The following COL11A2 variants were observed in gnomAD, a reference collection of about 807,000 sequenced individuals.
COL11A2 encodes the protein collagen type XI alpha 2 chain.
Under a neutral mutation model 273.4 loss-of-function variants are expected in COL11A2, and 116 were observed. The observed-to-expected ratio is 0.42, with a 90% CI of 0.36 to 0.49. The LOEUF is 0.49. Among genes scored for constraint, COL11A2 ranks in the 20% least tolerant of loss-of-function variants. The probability of loss-of-function intolerance (pLI) is 0.00; values close to 1 mark genes in which losing one functional copy is unlikely to be tolerated. For missense variants in COL11A2, 1,866 were observed against 2,309.0 expected, an observed-to-expected ratio of 0.81 and a Z score of 3.93; for synonymous variants, 782 against 864.2, an observed-to-expected ratio of 0.90 and a Z score of 1.67.
chr6:33,176,652 C>T lies in COL11A2; in HGVS notation c.2115+69G>A. 3 of 1,512,306 alleles carry T rather than the reference C, an allele frequency of 2.0e-6. No homozygotes were observed. The highest frequency in any genetic ancestry group is 2.7e-5 in the African/African-American group (2 of 72,816). 93.7% of individuals were successfully genotyped at this position (1,512,306 alleles called of 1,614,324 possible). A position where few individuals can be genotyped will look rare whatever the true frequency, so the allele number is the denominator to read the frequency against. On this transcript the variant is annotated intron_variant, in intron 26 of 65. Transcript: ENST00000341947. The surrounding 1 kb of genome is among the most constrained non-coding windows in gnomAD (Gnocchi z 4.9). ...ATATGAATAATGAGACAAGGGAATC[C>T]CAAGGACTTTGAGGCTCTAGAGTCT...
chr6:33,173,535 A>G lies in COL11A2; in HGVS notation c.2649T>C (p.Gly883=), dbSNP rs947292593. ...PGERGLPGPQ[G]PNGFPGPKGP... is the part of the protein sequence containing the mutation. ...CTTTCGGTCCAGGAAACCCGTTGGG[A>G]CCCTGAGGTCCAGGGAGGCCCTAGA... Residue 883 remains glycine, a synonymous_variant, in exon 36 of 66, where the codon GGT becomes GGC. Coordinates refer to ENST00000341947, the MANE Select transcript of COL11A2 (RefSeq NM_080680.3). This position sits in a 1 kb window ranked among gnomAD's most constrained non-coding sequence, Gnocchi z 6.3. 1 of 1,522,124 alleles carries G rather than the reference A, an allele frequency of 6.6e-7. No individual in the cohort carries two copies. The highest frequency in any genetic ancestry group is 1.5e-5 in the African/African-American group (1 of 67,918). 94.3% of individuals were successfully genotyped at this position (1,522,124 alleles called of 1,614,324 possible).
chr6:33,172,064 G>A lies in COL11A2; in HGVS notation c.3028C>T (p.Pro1010Ser). ...CCCAGACTCACTGCAGGGCCAGGGG[G>A]GCCAGACGGACCTTCATTCCCCTTC... ...GLKGNEGPSG[P>S]PGPAGSPGER... The change falls in exon 41 of 66, where the codon CCC (proline) becomes TCC (serine). Residue 1010 changes from proline (P) to serine (S), a missense_variant. Physicochemically the swap from Pro to Ser is moderately conservative, Grantham distance 74 (BLOSUM62 -1). Coordinates refer to ENST00000341947, the MANE Select transcript of COL11A2 (RefSeq NM_080680.3). 1 of 1,613,014 alleles carries A rather than the reference G, an allele frequency of 6.2e-7. No homozygotes were observed. The highest frequency in any genetic ancestry group is 8.5e-7 in the Non-Finnish European group (1 of 1,180,014).
At position 33,164,431 on chromosome 6, in the gene COL11A2, G is replaced by A. The variant is rs1221258743; in HGVS notation, c.4906C>T (p.Gln1636Ter). The A allele has an allele frequency of 6.3e-7, 1 of 1,589,638 alleles. No individual in the cohort carries two copies. The highest frequency in any genetic ancestry group is 8.6e-7 in the Non-Finnish European group (1 of 1,167,732). ...CTGAGCAGCCGCAGGAAGGTGAGCTGGACCACACCCACTGGGGAGCCCTCT... is the reference window on the plus strand; with the variant it reads ...CTGAGCAGCCGCAGGAAGGTGAGCTAGACCACACCCACTGGGGAGCCCTCT... ...DSEGSPVGVVQLTFLRLLSVS... is the reference protein window; with the variant it reads ...DSEGSPVGVV Residue 1636 changes from glutamine to a stop codon, truncating the protein, a stop_gained, in exon 65 of 66, where the codon CAG (glutamine) becomes TAG (stop). Coordinates refer to ENST00000341947, the MANE Select transcript of COL11A2 (RefSeq NM_080680.3). LOFTEE classifies it high-confidence loss of function. This position sits in a 1 kb window ranked among gnomAD's most constrained non-coding sequence, Gnocchi z 4.7.
rs2150520919 is a variant in COL11A2 at position 33,166,397 on chromosome 6, G to A, written c.4392+116C>T. 7.4e-7 allele frequency: 1 copy of A among 1,345,884 alleles called. No homozygotes were observed. The highest frequency in any genetic ancestry group is 1.4e-5 in the African/African-American group (1 of 69,462). The allele number at this position is 1,345,884 out of a possible 1,614,324, so 83.4% of individuals were successfully genotyped here. On this transcript the variant is annotated intron_variant, in intron 60 of 65. Transcript: ENST00000341947. The surrounding 1 kb of genome is among the most constrained non-coding windows in gnomAD (Gnocchi z 4.8). ...GTACTGGTGGTGACAGGACAAATGG[G>A]GGACCCTGAGGACTATGCTTGTTAG... is the stretch of plus-strand genomic sequence containing the variant.
chr6:33,170,396 C>A lies in COL11A2; in HGVS notation c.3529-17G>T. The A allele has an allele frequency of 6.2e-7, 1 of 1,612,846 alleles. No homozygotes were observed. The highest frequency in any genetic ancestry group is 8.5e-7 in the Non-Finnish European group (1 of 1,179,370). ...AGGTGGTCCCTGGGGGAAACAGATA[C>A]ACCACAGATGAGGAAGGGAAGTGAG... On this transcript the variant is annotated splice_polypyrimidine_tract_variant and intron_variant, in intron 47 of 65. Transcript: ENST00000341947. The surrounding 1 kb of genome is among the most constrained non-coding windows in gnomAD (Gnocchi z 4.3).
chr6:33,174,400 TG>T, intron 31 of COL11A2, 126 bp downstream of exon 31: 1 of 1,394,902 alleles, frequency 7.2e-7, no homozygotes, highest in Non-Finnish European at 9.9e-7. Context: ...ATCTGTAAAA[TG>T]GGGGTCAGCT....
chr6:33,185,568 T>G (rs981668761), intron 6 of COL11A2, 133 bp downstream of exon 6: 36 of 484,976 alleles, frequency 7.4e-5, no homozygotes, highest in African/African-American at 7.0e-4. Context: ...GGGCAGGAAC[T>G]AAGTAAATCC....
At position 33,164,033 on chromosome 6, in the gene COL11A2, C is replaced by T. The variant is rs374811473; in HGVS notation, c.5071-215G>A. On this transcript the variant is annotated intron_variant, in intron 65 of 65. Coordinates refer to ENST00000341947, the MANE Select transcript of COL11A2 (RefSeq NM_080680.3). This position sits in a 1 kb window ranked among gnomAD's most constrained non-coding sequence, Gnocchi z 4.7. ...GCAGCCATGTGCCAGTCTGTGTACA[C>T]GTCTGCATTAACCTGTGTGACGCTG... Among the ~76,000 whole-genome samples the T allele has an allele frequency of 5.7e-4, 87 of 152,314 alleles. 1 individual carries two copies. In the South Asian group the frequency reaches 7.4e-3, roughly 13 times the overall value.
At position 33,184,248 on chromosome 6, in the gene COL11A2, G is replaced by T; in HGVS notation, c.1016C>A (p.Pro339His). 1 of 1,367,658 alleles carries T rather than the reference G, an allele frequency of 7.3e-7. No individual in the cohort carries two copies. The highest frequency in any genetic ancestry group is 9.8e-7 in the Non-Finnish European group (1 of 1,021,968). 84.7% of individuals were successfully genotyped at this position (1,367,658 alleles called of 1,614,324 possible). The change falls in exon 8 of 66, where the codon CCC (proline) becomes CAC (histidine). Residue 339 changes from proline to histidine, a missense_variant. Coordinates refer to ENST00000341947, the MANE Select transcript of COL11A2 (RefSeq NM_080680.3). ...GGTGTAATCGTAGGGCCCTTCAGGGGGGTCTGTGCCACCCTCCCCATATTC... is the reference window on the plus strand; with the variant it reads ...GGTGTAATCGTAGGGCCCTTCAGGGTGGTCTGTGCCACCCTCCCCATATTC... The part of the protein sequence containing the change: ...AEEYGEGGTD[P>H]PEGPYDYTYG...
chr6:33,190,563 G>A lies in COL11A2; in HGVS notation c.83-1094C>T, dbSNP rs563691036. On this transcript the variant is annotated intron_variant, in intron 1 of 65. Transcript: ENST00000341947. The surrounding 1 kb of genome is among the most constrained non-coding windows in gnomAD (Gnocchi z 4.5). ...TCCAGCAAAACTTTCATAGAAGTGT[G>A]GGGCAGGGCAGAGGCCAGAGCAATC... Among the ~76,000 whole-genome samples, 2 of 152,234 alleles carry A rather than the reference G, an allele frequency of 1.3e-5. No individual in the cohort carries two copies. The highest frequency in any genetic ancestry group is 3.9e-4 in the East Asian group (2 of 5,164).
intron 31 of COL11A2, 140 bp downstream of exon 31, chr6:33,174,387 G>T: frequency 3.7e-6 from 5 of 1,369,580 alleles, no homozygotes; most frequent in Non-Finnish European, 5.1e-6. Flanking sequence ...GCCTCTTTCG[G>T]TCATCTGTAA....
At position 33,170,964 on chromosome 6, in the gene COL11A2, T is replaced by C. The variant is rs758960092; in HGVS notation, c.3367-47A>G. 5.9e-6 allele frequency: 9 copies of C among 1,517,126 alleles called. No homozygotes were observed. The highest frequency in any genetic ancestry group is 7.9e-6 in the Non-Finnish European group (9 of 1,137,526). The allele number at this position is 1,517,126 out of a possible 1,614,324, so 94.0% of individuals were successfully genotyped here. On this transcript the variant is annotated intron_variant, in intron 45 of 65. Coordinates refer to ENST00000341947, the MANE Select transcript of COL11A2 (RefSeq NM_080680.3). The surrounding 1 kb of genome is among the most constrained non-coding windows in gnomAD (Gnocchi z 4.3). ...GAGACAAGGACACAGGGATGGGTCATGGGTCAGGTGTTCTCTATCCACAAA... is the reference window on the plus strand; with the variant it reads ...GAGACAAGGACACAGGGATGGGTCACGGGTCAGGTGTTCTCTATCCACAAA...
At chr6:33,174,675 C>G (rs1470541809) in intron 30 of COL11A2, 95 bp from the exon 31 acceptor site, 1 of 1,115,808 alleles carries the variant, frequency 9.0e-7, no homozygotes, top group Admixed American at 2.0e-5. Context: ...AGCCAGCCCC[C>G]ACCCAGCAAC....
chr6:33,167,693 G>T lies in COL11A2; in HGVS notation c.4014+106C>A. The T allele has an allele frequency of 6.7e-7, 1 of 1,501,994 alleles. No homozygotes were observed. The highest frequency in any genetic ancestry group is 9.2e-7 in the Non-Finnish European group (1 of 1,089,188). The allele number at this position is 1,501,994 out of a possible 1,614,324, so 93.0% of individuals were successfully genotyped here. ...ACAGGGAACGCCTGTCCCCATAAGG[G>T]CCCAACATGGGAGAGGTGGAGATGG... On this transcript the variant is annotated intron_variant, in intron 55 of 65. Transcript: ENST00000341947. This position sits in a 1 kb window ranked among gnomAD's most constrained non-coding sequence, Gnocchi z 6.1.
At position 33,173,626 on chromosome 6, in the gene COL11A2, TG is replaced by T; in HGVS notation, c.2629-72del. ...GAGTGGGGGAACTCAGCTTCCTTCC[TG>T]GGGTGAGGAGGGAGCTGGCTCACCC... is the stretch of plus-strand genomic sequence containing the variant. On this transcript the variant is annotated intron_variant, in intron 35 of 65. Transcript: ENST00000341947. The surrounding 1 kb of genome is among the most constrained non-coding windows in gnomAD (Gnocchi z 6.3). 7.0e-7 allele frequency: 1 copy of T among 1,430,084 alleles called. No homozygotes were observed. Among genetic ancestry groups the T allele is most frequent in the Non-Finnish European group, 9.8e-7 (1 of 1,021,994 alleles). The allele number at this position is 1,430,084 out of a possible 1,614,324, so 88.6% of individuals were successfully genotyped here.
Position 33,164,815 on chromosome 6 carries a change from T to A in COL11A2, c.4863+37A>T. 2 of 1,385,930 alleles carry A rather than the reference T, an allele frequency of 1.4e-6. No individual in the cohort carries two copies. The allele number at this position is 1,385,930 out of a possible 1,614,324, so 85.9% of individuals were successfully genotyped here. The stretch of plus-strand genomic sequence containing the variant: ...CACTAAGCCCTGAGGGGGTGCACTA[T>A]GGGGCAGGGGAGGGGCAGCGAGGGG... On this transcript the variant is annotated intron_variant, in intron 64 of 65. Coordinates refer to ENST00000341947, the MANE Select transcript of COL11A2 (RefSeq NM_080680.3). The surrounding 1 kb of genome is among the most constrained non-coding windows in gnomAD (Gnocchi z 4.7).
In COL11A2 at chr6:33,178,929, A is replaced by T; in HGVS notation, c.1656T>A (p.Pro552=). The T allele has an allele frequency of 6.2e-7, 1 of 1,613,996 alleles. No homozygotes were observed. The highest frequency in any genetic ancestry group is 8.5e-7 in the Non-Finnish European group (1 of 1,179,980). The change falls in exon 17 of 66, where the codon CCT becomes CCA. Residue 552 remains proline (P), a synonymous_variant. Transcript: ENST00000341947. This position sits in a 1 kb window ranked among gnomAD's most constrained non-coding sequence, Gnocchi z 4.6. ...GGCCCAAGCCTGTTACCTTCACTCC[A>T]GGATCTCCAGGCATCCCTCGGGCTC... ...ADGARGMPGD[P]GVKGDRGFDG...
chr6:33,168,457 C>A (rs552135062), intron 54 of COL11A2, 62 bp downstream of exon 54: 4 of 1,586,724 alleles, frequency 2.5e-6, no homozygotes, highest in Non-Finnish European at 2.6e-6. Flanking sequence ...TGCCATTGCC[C>A]AGCCTCCACC....
Position 33,189,620 on chromosome 6 carries a change from G to C in COL11A2, c.83-151C>G. 1 of 1,012,808 alleles carries C rather than the reference G, an allele frequency of 9.9e-7. No individual in the cohort carries two copies. The highest frequency in any genetic ancestry group is 1.4e-6 in the Non-Finnish European group (1 of 690,764). 62.7% of individuals were successfully genotyped at this position (1,012,808 alleles called of 1,614,324 possible). Reference sequence around the variant, plus strand: ...CCTCACTTGCTTCTGAACAGTACCTGAATGGATGGGAAATGCAAAGGTACC... The same window carrying C: ...CCTCACTTGCTTCTGAACAGTACCTCAATGGATGGGAAATGCAAAGGTACC... On this transcript the variant is annotated intron_variant, in intron 1 of 65. Transcript: ENST00000341947. The surrounding 1 kb of genome is among the most constrained non-coding windows in gnomAD (Gnocchi z 5.6).
Sources: gnomAD v4.1 joint callset for allele counts (sites outside exome capture counted in the v4.1 genomes callset) on GRCh38, gnomAD v4.1.1 for gene constraint, Gnocchi (gnomAD v3.1) non-coding constraint, MANE v1.5 for transcripts, NCBI Gene and HGNC (gene_info 2026-07-23, HGNC 2026-07-21) for gene names.